The following NCOA7 variants were observed in gnomAD, a reference collection of about 807,000 sequenced individuals.
NCOA7 encodes 140 kDa estrogen receptor-associated protein.
A neutral mutation model predicts 104.3 loss-of-function variants in NCOA7; 45 were observed. That is an observed-to-expected ratio of 0.43 (90% CI 0.34 to 0.55). The LOEUF (loss-of-function observed/expected upper bound fraction) is 0.55. NCOA7 is among the 20% of genes least tolerant of loss of function. NCOA7 has a pLI of 0.02. For synonymous variants in NCOA7, 398 were observed against 402.3 expected, an observed-to-expected ratio of 0.99 and a Z score of 0.13; for missense variants, 1,041 against 1,119.7, an observed-to-expected ratio of 0.93 and a Z score of 1.00.
chr6:125,930,616 T>C lies in NCOA7; in HGVS notation c.*1845T>C, dbSNP rs1788409882. The stretch of plus-strand genomic sequence containing the variant: ...ACATTATTCTCCTATTTTAGACATT[T>C]TGTGAAAGAGAACAAATTGTCCAGT... On this transcript the variant is annotated 3_prime_UTR_variant, in exon 16 of 16. Coordinates refer to ENST00000392477, the MANE Select transcript of NCOA7 (RefSeq NM_181782.5). The C allele has an allele frequency of 6.6e-6, 1 of 152,608 alleles. No individual in the cohort carries two copies. The allele number at this position is 152,608 out of a possible 1,614,324, so 9.5% of individuals were successfully genotyped here. A position where few individuals can be genotyped will look rare whatever the true frequency, so the allele number is the denominator to read the frequency against.
chr6:125,916,218 C>G (rs1003446419), intron 11 of NCOA7, among the ~76,000 whole-genome samples: 3 of 152,156 alleles, frequency 2.0e-5, no homozygotes, highest in African/African-American at 7.2e-5. Context: ...GCTCTCCTGC[C>G]GCCTTGTGAA....
chr6:125,852,060 C>T (rs1781177567), intron 2 of NCOA7, among the ~76,000 whole-genome samples: 1 of 151,950 alleles, frequency 6.6e-6, no homozygotes, highest in Non-Finnish European at 1.5e-5. Flanking sequence ...CTCATGATTT[C>T]TTTTTCTTTT....
At chr6:125,819,021 A>G (rs1243461958) in intron 2 of NCOA7, among the ~76,000 whole-genome samples, 1 of 152,184 alleles carries the variant, frequency 6.6e-6, no homozygotes, top group East Asian at 1.9e-4. Flanking sequence ...ATTTACCCTG[A>G]TGCTGTGCCT....
chr6:125,922,009 A>T lies in NCOA7; in HGVS notation c.2371-673A>T, dbSNP rs35404769. The stretch of plus-strand genomic sequence containing the variant: ...CTCCCTAGTTTACTGAGGAACCAGT[A>T]AAGACCCAAGACAGCCAAGAAGCTT... On this transcript the variant is annotated intron_variant, in intron 12 of 15. Transcript: ENST00000392477. Among the ~76,000 whole-genome samples, 122 of 152,344 alleles carry T rather than the reference A, an allele frequency of 8.0e-4. 1 individual carries two copies. Among genetic ancestry groups the T allele is most frequent in the African/African-American group, 2.9e-3 (122 of 41,578 alleles).
chr6:125,815,367 G>A lies in NCOA7; in HGVS notation c.13G>A (p.Glu5Lys). 1 of 1,608,068 alleles carries A rather than the reference G, an allele frequency of 6.2e-7. No homozygotes were observed. The highest frequency in any genetic ancestry group is 8.5e-7 in the Non-Finnish European group (1 of 1,177,250). ...TTGATTGTGTATTATGGATACCAAG[G>A]AAGAGAAGAAGGAACGGAAACAAAG... MDTK[E>K]EKKERKQSYF... Residue 5 changes from glutamate to lysine, a missense_variant, in exon 2 of 16, where the codon GAA becomes AAA. Physicochemically the swap from Glu to Lys is moderately conservative, Grantham distance 56 (BLOSUM62 1). Coordinates refer to ENST00000392477, the MANE Select transcript of NCOA7 (RefSeq NM_181782.5).
Position 125,889,521 on chromosome 6 carries a change from G to T in NCOA7, c.1467G>T (p.Lys489Asn), listed in dbSNP as rs751898562. Residue 489 changes from lysine (K) to asparagine (N), a missense_variant, in exon 9 of 16, where the codon AAG becomes AAT. Lys to Asn is a moderately conservative substitution (Grantham distance 94). Around this residue, in one of 2 missense-constraint regions of NCOA7, gnomAD observed 914 missense variants for 942.7 expected, o/e 0.97. Coordinates refer to ENST00000392477, the MANE Select transcript of NCOA7 (RefSeq NM_181782.5). ...KGALDLETCE[K>N]QDIMPEVDKQ... ...CGCTAGATTTAGAAACCTGTGAGAA[G>T]CAAGATATAATGCCAGAAGTGGACA... is the stretch of plus-strand genomic sequence containing the variant. 1.2e-6 allele frequency: 2 copies of T among 1,614,118 alleles called. No individual in the cohort carries two copies. The highest frequency in any genetic ancestry group is 4.5e-5 in the East Asian group (2 of 44,854).
intron 3 of NCOA7, among the ~76,000 whole-genome samples, chr6:125,859,240 A>G (rs1326479924): frequency 6.6e-6 from 1 of 152,026 alleles, no homozygotes; most frequent in Non-Finnish European, 1.5e-5. Context: ...GAGGGAGGAA[A>G]AAAAAAAACA....
chr6:125,894,665 G>C (rs867209824), intron 10 of NCOA7, among the ~76,000 whole-genome samples: 11 of 152,100 alleles, frequency 7.2e-5, no homozygotes, highest in African/African-American at 2.4e-4. Context: ...CTTGACCCCT[G>C]GTTTGGCAGT....
intron 2 of NCOA7, among the ~76,000 whole-genome samples, chr6:125,842,386 C>G (rs1430167702): frequency 6.6e-6 from 1 of 152,114 alleles, no homozygotes; most frequent in Admixed American, 6.6e-5. Context: ...CAACATTTTG[C>G]TGTTCTTCCA....
At chr6:125,918,037 A>G (rs966445825) in intron 11 of NCOA7, among the ~76,000 whole-genome samples, 3 of 152,216 alleles carry the variant, frequency 2.0e-5, no homozygotes, top group Admixed American at 6.5e-5. Flanking sequence ...TACATTGTCC[A>G]GGTGAGGGAG....
In NCOA7 at chr6:125,929,777, A is replaced by G. The variant is rs1788354776; in HGVS notation, c.*1006A>G. The G allele has an allele frequency of 6.6e-6, 1 of 152,246 alleles. No homozygotes were observed. Among genetic ancestry groups the G allele is most frequent in the Non-Finnish European group, 1.5e-5 (1 of 68,030 alleles). 9.4% of individuals were successfully genotyped at this position (152,246 alleles called of 1,614,324 possible). ...AAAATGTTTTGCTTCTTACAAAATC[A>G]TTTGTGTTAATAACAAAAACTTTAT... is the stretch of plus-strand genomic sequence containing the variant. On this transcript the variant is annotated 3_prime_UTR_variant, in exon 16 of 16. Coordinates refer to ENST00000392477, the MANE Select transcript of NCOA7 (RefSeq NM_181782.5).
At chr6:125,812,699 A>G (rs1444162007) in intron 1 of NCOA7, among the ~76,000 whole-genome samples, 4 of 152,136 alleles carry the variant, frequency 2.6e-5, no homozygotes, top group Non-Finnish European at 5.9e-5. Context: ...CCACTATCCC[A>G]TAGCCGTCTC....
intron 11 of NCOA7, chr6:125,919,372 T>A: frequency 6.2e-7 from 1 of 1,612,830 alleles, no homozygotes; most frequent in Non-Finnish European, 8.5e-7. Context: ...AGGCCAAAGA[T>A]TACCCTTGGA....
At chr6:125,906,641 A>G (rs111286679) in intron 10 of NCOA7, among the ~76,000 whole-genome samples, 12 of 152,292 alleles carry the variant, frequency 7.9e-5, no homozygotes, top group South Asian at 4.1e-4. Flanking sequence ...ATCCTAAAGT[A>G]TATGAACCCA....
intron 3 of NCOA7, among the ~76,000 whole-genome samples, chr6:125,867,524 A>C (rs1289603757): frequency 6.6e-6 from 1 of 152,222 alleles, no homozygotes; most frequent in South Asian, 2.1e-4. Flanking sequence ...CCTGTAGTGC[A>C]TTCAAGCACA....
chr6:125,877,992 T>G (rs1325474409), intron 4 of NCOA7, among the ~76,000 whole-genome samples: 2 of 152,204 alleles, frequency 1.3e-5, no homozygotes, highest in Non-Finnish European at 2.9e-5. Flanking sequence ...GACCTTTACT[T>G]CATGCGCCTC....
At chr6:125,845,981 A>G (rs1282321130) in intron 2 of NCOA7, among the ~76,000 whole-genome samples, 1 of 152,026 alleles carries the variant, frequency 6.6e-6, no homozygotes, top group Non-Finnish European at 1.5e-5. Context: ...TACATATTTT[A>G]TATTAGTACT....
chr6:125,880,591 G>A lies in NCOA7; in HGVS notation c.460-499G>A, dbSNP rs565596231. 4.0e-5 allele frequency among the ~76,000 whole-genome samples: 6 copies of A among 151,798 alleles called. No homozygotes were observed. The South Asian group carries it at 1.2e-3, about 32-fold the overall frequency. ...CACCCAGGCTGGAGTGCAGTGGCAC[G>A]ATCTTGGCTCACTGCAACCTCTGCC... On this transcript the variant is annotated intron_variant, in intron 5 of 15. Coordinates refer to ENST00000392477, the MANE Select transcript of NCOA7 (RefSeq NM_181782.5).
intron 3 of NCOA7, among the ~76,000 whole-genome samples, chr6:125,860,469 T>G (rs1468812191): frequency 2.0e-5 from 3 of 151,944 alleles, no homozygotes; most frequent in Non-Finnish European, 4.4e-5. Flanking sequence ...TGCCTCAGCT[T>G]CCCGAGTAGA....
Sources: gnomAD v4.1 joint callset for allele counts (sites outside exome capture counted in the v4.1 genomes callset) on GRCh38, gnomAD v4.1.1 for gene constraint, gnomAD v4.1.1 regional missense constraint, MANE v1.5 for transcripts, NCBI Gene and HGNC (gene_info 2026-07-23, HGNC 2026-07-21) for gene names.